The following PIGQ variants were observed in gnomAD, a reference collection of about 807,000 sequenced individuals.
PIGQ encodes phosphatidylinositol N-acetylglucosaminyltransferase subunit Q.
A neutral mutation model predicts 60.3 loss-of-function variants in PIGQ; 54 were observed. That is an observed-to-expected ratio of 0.90 (90% CI 0.72 to 1.12). PIGQ has a LOEUF of 1.12. Among genes scored for constraint, PIGQ ranks in the 50% most tolerant of loss-of-function variants. PIGQ has a pLI of 0.00. For synonymous variants in PIGQ, 416 were observed against 363.7 expected (o/e 1.14, Z -1.64); for missense variants, 799 against 793.5 (o/e 1.01, Z -0.08).
In PIGQ at chr16:578,525, G is replaced by A. The variant is rs769238457; in HGVS notation, c.1069+20G>A. Reference sequence around the variant, plus strand: ...GGATCAGTGAGTGCAGGGCAGGCGGGGGCCCCAGGGACCCCAGAGCTTGCT... The same window carrying A: ...GGATCAGTGAGTGCAGGGCAGGCGGAGGCCCCAGGGACCCCAGAGCTTGCT... On this transcript the variant is annotated intron_variant, in intron 5 of 10. Transcript: ENST00000321878. 5.6e-6 allele frequency: 9 copies of A among 1,606,548 alleles called. No homozygotes were observed. Among genetic ancestry groups the A allele is most frequent in the Non-Finnish European group, 6.8e-6 (8 of 1,176,360 alleles).
chr16:581,357 G>C (rs1341471453), intron 9 of PIGQ: 1 of 1,197,120 alleles, frequency 8.4e-7, no homozygotes, highest in Non-Finnish European at 1.1e-6. Context: ...TGCCCCGTCC[G>C]CTGTGCCGGA....
At position 574,663 on chromosome 16, in the gene PIGQ, G is replaced by A; in HGVS notation, c.589G>A (p.Glu197Lys). The A allele has an allele frequency of 1.9e-6, 3 of 1,608,028 alleles. No individual in the cohort carries two copies. The highest frequency in any genetic ancestry group is 2.5e-6 in the Non-Finnish European group (3 of 1,179,336). The change falls in exon 2 of 11, where the codon GAG becomes AAG. Residue 197 changes from glutamate (E) to lysine (K), a missense_variant. Physicochemically the swap from Glu to Lys is moderately conservative, Grantham distance 56 (BLOSUM62 1). Transcript: ENST00000321878. ...GAGCCACTGGCAGTCGGAGGGCGTG[G>A]AGGCCAGCATCCTCGCGGAGCTGGC... is the stretch of plus-strand genomic sequence containing the variant. ...RLSHWQSEGV[E>K]ASILAELARR...
chr16:572,532 G>A (rs1287510028), intron 1 of PIGQ: 5 of 455,874 alleles, frequency 1.1e-5, no homozygotes, highest in East Asian at 7.0e-5. Context: ...ACACCACCCC[G>A]ACGTGTGCAT....
Position 580,898 on chromosome 16 carries a change from T to G in PIGQ, c.1457T>G (p.Leu486Arg), listed in dbSNP as rs1171403689. ...GTCGCCGTGCAGGGCCTGATCCATC[T>G]GCTCGTGGACCTCATCAACTCCCTG... Reference protein sequence around the residue: ...LVVAVQGLIHLLVDLINSLPL... With the variant: ...LVVAVQGLIHRLVDLINSLPL... The change falls in exon 9 of 11, where the codon CTG becomes CGG. Residue 486 changes from leucine to arginine, a missense_variant. Physicochemically the swap from Leu to Arg is moderately radical, Grantham distance 102 (BLOSUM62 -2). Transcript: ENST00000321878. 3.1e-6 allele frequency: 5 copies of G among 1,604,080 alleles called. No individual in the cohort carries two copies. In the African/African-American group the frequency reaches 5.3e-5, roughly 17 times the overall value.
At chr16:572,007 G>C (rs2035636722) in intron 1 of PIGQ, among the ~76,000 whole-genome samples, 1 of 152,174 alleles carries the variant, frequency 6.6e-6, no homozygotes, top group African/African-American at 2.4e-5. Context: ...GCCCACCGCA[G>C]AACCAGCTCC....
chr16:580,106 T>G (rs1596386585), intron 7 of PIGQ, 77 bp from the exon 8 acceptor site: 1 of 1,102,372 alleles, frequency 9.1e-7, no homozygotes, highest in Non-Finnish European at 1.3e-6. Flanking sequence ...AGCTCCGGGA[T>G]GGGGGAGGGC....
chr16:576,575 G>T (rs756571512), intron 4 of PIGQ: 34 of 515,900 alleles, frequency 6.6e-5, no homozygotes, highest in Non-Finnish European at 1.0e-4. Flanking sequence ...TGAGATCAGC[G>T]TTGCCCTCCT....
chr16:574,017 T>TGGGGG (rs769230405), intron 1 of PIGQ, 49 bp from the exon 2 acceptor site: 18 of 1,327,894 alleles, frequency 1.4e-5, no homozygotes, highest in Admixed American at 2.1e-5. Flanking sequence ...CAGCCCACGG[T>TGGGGG]GGGGGGGCAG....
intron 1 of PIGQ, among the ~76,000 whole-genome samples, chr16:571,100 TGTGTGTGTCTGGCTAGCCTGGTGCCC>T (rs1370486948): frequency 5.9e-4 from 6 of 10,144 alleles, no homozygotes; most frequent in African/African-American, 1.9e-3. Context: ...TGTGTGTGTG[TGTGTGTGTCTGGCTAGCCTGGTGCCC>T]GTGTGTGTGT....
Position 575,969 on chromosome 16 carries a change from A to T in PIGQ, c.820A>T (p.Arg274Trp). The T allele has an allele frequency of 6.3e-7, 1 of 1,582,964 alleles. No homozygotes were observed. Among genetic ancestry groups the T allele is most frequent in the Non-Finnish European group, 8.6e-7 (1 of 1,165,032 alleles). ...RKAENPAQLMRKANTVASVLL... is the reference protein window; with the variant it reads ...RKAENPAQLMWKANTVASVLL... ...GGCGGAGAACCCTGCCCAGCTGATG[A>T]GGTGTGGGCCTGCCCTGGTCTCTGC... The change falls in exon 3 of 11, where the codon AGG becomes TGG. Residue 274 changes from arginine to tryptophan, a missense_variant and splice_region_variant. Coordinates refer to ENST00000321878, the MANE Select transcript of PIGQ (RefSeq NM_004204.5).
chr16:583,899 C>G lies in PIGQ; in HGVS notation c.*864C>G. On this transcript the variant is annotated 3_prime_UTR_variant, in exon 11 of 11. Transcript: ENST00000321878. ...ACTGAGGCCGAAAGTGCCTGCCAGA[C>G]GGCACGGTCTGGGTGCGGGTGTTCC... is the stretch of plus-strand genomic sequence containing the variant. The G allele has an allele frequency of 1.3e-5, 7 of 539,434 alleles. No individual in the cohort carries two copies. The highest frequency in any genetic ancestry group is 1.2e-4 in the South Asian group (6 of 51,740). The allele number at this position is 539,434 out of a possible 1,614,324, so 33.4% of individuals were successfully genotyped here.
intron 5 of PIGQ, 23 bp downstream of exon 5, chr16:578,528 C>A (rs1293146910): frequency 1.2e-6 from 2 of 1,603,774 alleles, no homozygotes; most frequent in East Asian, 2.2e-5. Flanking sequence ...CAGGCGGGGG[C>A]CCCAGGGACC....
rs980584148 is a variant in PIGQ at position 574,660 on chromosome 16, G to A, written c.586G>A (p.Val196Met). 13 of 1,607,678 alleles carry A rather than the reference G, an allele frequency of 8.1e-6. No individual in the cohort carries two copies. Among genetic ancestry groups the A allele is most frequent in the Admixed American group, 3.3e-5 (2 of 59,832 alleles). Residue 196 changes from valine (V) to methionine (M), a missense_variant, in exon 2 of 11, where the codon GTG (valine) becomes ATG (methionine). Val to Met is a conservative substitution (Grantham distance 21). Transcript: ENST00000321878. ...GCTGAGCCACTGGCAGTCGGAGGGC[G>A]TGGAGGCCAGCATCCTCGCGGAGCT... ...VRLSHWQSEG[V>M]EASILAELAR...
chr16:580,066 T>G, intron 7 of PIGQ, 117 bp from the exon 8 acceptor site: 1 of 673,722 alleles, frequency 1.5e-6, no homozygotes, highest in Non-Finnish European at 2.5e-6. Flanking sequence ...CATCCCGAGT[T>G]CCCTCAGGAA....
In PIGQ at chr16:583,296, C is replaced by G; in HGVS notation, c.*261C>G. On this transcript the variant is annotated 3_prime_UTR_variant, in exon 11 of 11. Transcript: ENST00000321878. ...CCCGCTTCCCACCTGCTGCGGTCAC[C>G]ATGGTGGCGAGCACAGCAACCCCAG... 6.2e-7 allele frequency: 1 copy of G among 1,612,888 alleles called. No homozygotes were observed. The highest frequency in any genetic ancestry group is 8.5e-7 in the Non-Finnish European group (1 of 1,179,972).
intron 5 of PIGQ, 40 bp from the exon 6 acceptor site, chr16:578,745 G>C (rs1233928113): frequency 6.2e-7 from 1 of 1,601,534 alleles, no homozygotes; most frequent in Admixed American, 1.7e-5. Context: ...CCGAGGGCTG[G>C]GGTCTGAGCG....
intron 1 of PIGQ, chr16:572,421 G>C: frequency 2.3e-6 from 1 of 432,170 alleles, no homozygotes; most frequent in Non-Finnish European, 4.7e-6. Context: ...CTGCCTGCAG[G>C]GGAGGAGAGC....
At chr16:573,728 A>T (rs1226870583) in intron 1 of PIGQ, among the ~76,000 whole-genome samples, 1 of 152,086 alleles carries the variant, frequency 6.6e-6, no homozygotes, top group Non-Finnish European at 1.5e-5. Context: ...TCGGCCCCAC[A>T]GCCGCGTCAG....
rs537693375 is a variant in PIGQ at position 575,524 on chromosome 16, G to A, written c.690-315G>A. 6.4e-4 allele frequency among the ~76,000 whole-genome samples: 97 copies of A among 152,298 alleles called. 2 individuals are homozygous for A. In the South Asian group the frequency reaches 6.4e-3, roughly 10 times the overall value. On this transcript the variant is annotated intron_variant, in intron 2 of 10. Transcript: ENST00000321878. ...GCTTTCTGGGCCCTGTCGGCGGGGC[G>A]AGGCCCTGGGCCCGTGGGAGTTGCT...
Sources: gnomAD v4.1 joint callset for allele counts (sites outside exome capture counted in the v4.1 genomes callset) on GRCh38, gnomAD v4.1.1 for gene constraint, MANE v1.5 for transcripts, NCBI Gene and HGNC (gene_info 2026-07-23, HGNC 2026-07-21) for gene names.